CUL9: variants seen among roughly 807,000 people sequenced by gnomAD.
CUL9 encodes cullin-9.
In CUL9, 79 loss-of-function variants were observed where a neutral mutation model predicts 272.6. The ratio of observed to expected loss-of-function variants is 0.29; its 90% CI spans 0.24 to 0.35. CUL9 has a LOEUF of 0.35. CUL9 is among the 10% of genes least tolerant of loss of function. The pLI, the probability that CUL9 is intolerant of heterozygous loss-of-function variation, is 1.00. For missense variants in CUL9, 2,532 were observed against 3,255.6 expected, an observed-to-expected ratio of 0.78 and a Z score of 5.41; for synonymous variants, 1,186 against 1,286.5, an observed-to-expected ratio of 0.92 and a Z score of 1.67.
chr6:43,187,534 A>G (rs2150523344), intron 6 of CUL9, 95 bp downstream of exon 6: 3 of 1,390,170 alleles, frequency 2.2e-6, no homozygotes, highest in African/African-American at 1.4e-5. Context: ...GCTTAGGGGG[A>G]GGCTGGAGCT....
At chr6:43,210,042 A>C (rs1006779328) in intron 26 of CUL9, among the ~76,000 whole-genome samples, 1 of 151,796 alleles carries the variant, frequency 6.6e-6, no homozygotes, top group Admixed American at 6.6e-5. Flanking sequence ...CAATGGTGCG[A>C]TCTCAGCTCA....
Position 43,214,991 on chromosome 6 carries a change from G to A in CUL9, c.5689-88G>A, listed in dbSNP as rs141032767. The A allele has an allele frequency of 5.7e-4, 826 of 1,459,370 alleles. 4 individuals carry two copies. The African/African-American group carries it at 0.01, about 18-fold the overall frequency. The allele number at this position is 1,459,370 out of a possible 1,614,324, so 90.4% of individuals were successfully genotyped here. On this transcript the variant is annotated intron_variant, in intron 29 of 40. Transcript: ENST00000252050. ...GACTGTCTCTTAAAAAAAAAGGGGG[G>A]GAAAAATAAGTGGCAGAGCTGGGCA...
chr6:43,195,974 T>G, intron 9 of CUL9, 95 bp from the exon 10 acceptor site: 1 of 1,024,052 alleles, frequency 9.8e-7, no homozygotes, highest in Non-Finnish European at 1.5e-6. Context: ...TGCAAACAGC[T>G]CAGCTGCCCC....
rs925286013 is a variant in CUL9 at position 43,222,451 on chromosome 6, A to C, written c.6921+61A>C. On this transcript the variant is annotated intron_variant, in intron 36 of 40. Transcript: ENST00000252050. ...GAAGCAGGTTGGGGTGGTGGGGTGG[A>C]GGGGGGTGGGCTGAAGGTCTGACCG... 6.9e-5 allele frequency: 34 copies of C among 490,826 alleles called. No homozygotes were observed. In the African/African-American group the frequency reaches 1.0e-3, roughly 15 times the overall value. 30.4% of individuals were successfully genotyped at this position (490,826 alleles called of 1,614,324 possible).
At chr6:43,217,822 G>A (rs1776045280) in intron 31 of CUL9, among the ~76,000 whole-genome samples, 1 of 152,070 alleles carries the variant, frequency 6.6e-6, no homozygotes, top group African/African-American at 2.4e-5. Flanking sequence ...GCTAAATGAG[G>A]TATTGAAAAA....
At position 43,188,026 on chromosome 6, in the gene CUL9, C is replaced by T. The variant is rs140466677; in HGVS notation, c.1895C>T (p.Thr632Ile). The change falls in exon 7 of 41, where the codon ACC becomes ATC. Residue 632 changes from threonine (T) to isoleucine (I), a missense_variant. Thr to Ile is a moderately conservative substitution (Grantham distance 89, BLOSUM62 -1). This residue lies in a region of CUL9 where 2,218 missense variants were observed against 2,788.6 expected (regional missense o/e 0.80). Coordinates refer to ENST00000252050, the MANE Select transcript of CUL9 (RefSeq NM_015089.4). Reference sequence around the variant, plus strand: ...GAGCCCACCAAGACAAGGACCGAGACCCCCATGGCACAGAGTGATTCTCAG... The same window carrying T: ...GAGCCCACCAAGACAAGGACCGAGATCCCCATGGCACAGAGTGATTCTCAG... The part of the protein sequence containing the change: ...EAEPTKTRTE[T>I]PMAQSDSQLF... 9 of 1,613,720 alleles carry T rather than the reference C, an allele frequency of 5.6e-6. No homozygotes were observed. The African/African-American group carries it at 1.1e-4, about 19-fold the overall frequency.
At chr6:43,198,132 T>C in intron 11 of CUL9, 1 of 270,930 alleles carries the variant, frequency 3.7e-6, no homozygotes, top group Non-Finnish European at 5.7e-6. Context: ...TCCCAGCTAC[T>C]TGGGAGGCTG....
At position 43,210,550 on chromosome 6, in the gene CUL9, A is replaced by G. The variant is rs184728288; in HGVS notation, c.5213-2599A>G. Among the ~76,000 whole-genome samples the G allele has an allele frequency of 6.2e-3, 945 of 152,274 alleles. 5 individuals are homozygous for G. Among genetic ancestry groups the G allele is most frequent in the Non-Finnish European group, 9.1e-3 (620 of 68,024 alleles). On this transcript the variant is annotated intron_variant, in intron 26 of 40. Transcript: ENST00000252050. ...AGTCTGTCGGGGGAGATACTTTAAA[A>G]TCATGCCAGTATTCTAATTTTGTTA... is the stretch of plus-strand genomic sequence containing the variant.
Position 43,224,063 on chromosome 6 carries a change from C to T in CUL9, c.7285-32C>T, listed in dbSNP as rs760472449. On this transcript the variant is annotated intron_variant, in intron 39 of 40. Coordinates refer to ENST00000252050, the MANE Select transcript of CUL9 (RefSeq NM_015089.4). This position sits in a 1 kb window ranked among gnomAD's most constrained non-coding sequence, Gnocchi z 4.2. Reference sequence around the variant, plus strand: ...GGTCCAAAGGCCCCATGCCCTCTACCTCCTTCTCAAATCCTTCTGTCTGCT... The same window carrying T: ...GGTCCAAAGGCCCCATGCCCTCTACTTCCTTCTCAAATCCTTCTGTCTGCT... 23 of 1,609,868 alleles carry T rather than the reference C, an allele frequency of 1.4e-5. No homozygotes were observed. In the African/African-American group the frequency reaches 2.4e-4, roughly 17 times the overall value.
chr6:43,213,688 G>A lies in CUL9; in HGVS notation c.5489-25G>A, dbSNP rs367567028. The A allele has an allele frequency of 3.7e-6, 6 of 1,610,200 alleles. No homozygotes were observed. Among genetic ancestry groups the A allele is most frequent in the East Asian group, 2.2e-5 (1 of 44,824 alleles). On this transcript the variant is annotated intron_variant, in intron 28 of 40. Transcript: ENST00000252050. The surrounding 1 kb of genome is among the most constrained non-coding windows in gnomAD (Gnocchi z 5.7). ...TTCATCTGTCCCTCTGCCTCCTCTGGTACCTGACCGGGAGCGGGTTCCAGG... is the reference window on the plus strand; with the variant it reads ...TTCATCTGTCCCTCTGCCTCCTCTGATACCTGACCGGGAGCGGGTTCCAGG...
Position 43,186,041 on chromosome 6 carries a change from G to A in CUL9, c.837G>A (p.Leu279=), listed in dbSNP as rs753566522. Residue 279 remains leucine, a synonymous_variant, in exon 4 of 41, where the codon CTG becomes CTA. Transcript: ENST00000252050. ...LLDQLNSSPE[L]GAGDQSSPCA... ...ATCAGCTGAATAGCAGTCCAGAGCT[G>A]GGAGCTGGAGACCAAAGCTCCCCAT... 8 of 1,614,206 alleles carry A rather than the reference G, an allele frequency of 5.0e-6. No homozygotes were observed. Among genetic ancestry groups the A allele is most frequent in the Admixed American group, 3.3e-5 (2 of 60,030 alleles).
chr6:43,188,212 G>A (rs1000684720), intron 7 of CUL9, 94 bp downstream of exon 7: 1 of 1,460,232 alleles, frequency 6.8e-7, no homozygotes, highest in Admixed American at 2.1e-5. Flanking sequence ...AGCCATGGAG[G>A]AAGGTGATTT....
chr6:43,224,284 G>A lies in CUL9; in HGVS notation c.7393G>A (p.Glu2465Lys), dbSNP rs1776629215. The A allele has an allele frequency of 6.2e-7, 1 of 1,614,218 alleles. No individual in the cohort carries two copies. The highest frequency in any genetic ancestry group is 1.3e-5 in the African/African-American group (1 of 75,062). Residue 2465 changes from glutamate to lysine, a missense_variant, in exon 41 of 41, where the codon GAG (glutamate) becomes AAG (lysine). Glu to Lys is a moderately conservative substitution (Grantham distance 56). Around this residue, in one of 3 missense-constraint regions of CUL9, gnomAD observed 237 missense variants for 305.9 expected, o/e 0.77. Transcript: ENST00000252050. This position sits in a 1 kb window ranked among gnomAD's most constrained non-coding sequence, Gnocchi z 4.2. ...QASSGPEAEE[E>K]EEDDEDDVPE... ...CTCCTCAGGGCCAGAGGCAGAAGAG[G>A]AGGAGGAAGACGATGAGGATGATGT...
Position 43,223,342 on chromosome 6 carries a change from A to T in CUL9, c.7229A>T (p.Glu2410Val). 1 of 1,602,206 alleles carries T rather than the reference A, an allele frequency of 6.2e-7. No individual in the cohort carries two copies. Reference protein sequence around the residue: ...LRADCLSTGMELLRRIQERLL... With the variant: ...LRADCLSTGMVLLRRIQERLL... ...GCCGACTGCCTCAGCACGGGCATGG[A>T]GCTGCTCCGGCGGATCCAGGAGAGG... The change falls in exon 39 of 41, where the codon GAG becomes GTG. Residue 2410 changes from glutamate (E) to valine (V), a missense_variant. Physicochemically the swap from Glu to Val is moderately radical, Grantham distance 121. This residue lies in a region of CUL9 where 237 missense variants were observed against 305.9 expected (regional missense o/e 0.77). Transcript: ENST00000252050. The surrounding 1 kb of genome is among the most constrained non-coding windows in gnomAD (Gnocchi z 4.1).
chr6:43,220,344 T>G lies in CUL9; in HGVS notation c.6283-115T>G, dbSNP rs1776247499. 1 of 1,238,594 alleles carries G rather than the reference T, an allele frequency of 8.1e-7. No homozygotes were observed. Among genetic ancestry groups the G allele is most frequent in the African/African-American group, 1.5e-5 (1 of 67,186 alleles). 76.7% of individuals were successfully genotyped at this position (1,238,594 alleles called of 1,614,324 possible). A position where few individuals can be genotyped will look rare whatever the true frequency, so the allele number is the denominator to read the frequency against. On this transcript the variant is annotated intron_variant, in intron 31 of 40. Transcript: ENST00000252050. This position sits in a 1 kb window ranked among gnomAD's most constrained non-coding sequence, Gnocchi z 4.9. ...TCTAGAGGCAGGCTTGTTTCTGGCCTTCCACGTTGTAGTGGAGGGGAAGGG... is the reference window on the plus strand; with the variant it reads ...TCTAGAGGCAGGCTTGTTTCTGGCCGTCCACGTTGTAGTGGAGGGGAAGGG...
chr6:43,187,333 G>A lies in CUL9; in HGVS notation c.1475G>A (p.Gly492Glu). The change falls in exon 6 of 41, where the codon GGA becomes GAA. Residue 492 changes from glycine (G) to glutamate (E), a missense_variant. Physicochemically the swap from Gly to Glu is moderately conservative, Grantham distance 98. Around this residue, in one of 3 missense-constraint regions of CUL9, gnomAD observed 2,218 missense variants for 2,788.6 expected, o/e 0.80. Coordinates refer to ENST00000252050, the MANE Select transcript of CUL9 (RefSeq NM_015089.4). ...GAACCTCAGAAGAATGAGAGAGTGG[G>A]ATATCTGACCCAGGCTGAATGGTGG... ...QPEPQKNERVGYLTQAEWWEL... is the reference protein window; with the variant it reads ...QPEPQKNERVEYLTQAEWWEL... 1 of 1,614,128 alleles carries A rather than the reference G, an allele frequency of 6.2e-7. No homozygotes were observed. Among genetic ancestry groups the A allele is most frequent in the Non-Finnish European group, 8.5e-7 (1 of 1,180,004 alleles).
Position 43,198,872 on chromosome 6 carries a change from G to T in CUL9, c.3050+17G>T. 1 of 1,607,748 alleles carries T rather than the reference G, an allele frequency of 6.2e-7. No individual in the cohort carries two copies. On this transcript the variant is annotated intron_variant, in intron 12 of 40. Transcript: ENST00000252050. ...TGTGCTGAGGTGAGGGGCCTGTTGA[G>T]GCACCATGCATTGGGACGAGGGAAA...
rs538500693 is a variant in CUL9, at chr6:43,196,199, G to A, written c.2519G>A (p.Arg840His). The A allele has an allele frequency of 5.0e-6, 8 of 1,614,068 alleles. No homozygotes were observed. The highest frequency in any genetic ancestry group is 2.2e-5 in the East Asian group (1 of 44,866). The change falls in exon 10 of 41, where the codon CGC (arginine) becomes CAC (histidine). Residue 840 changes from arginine to histidine, a missense_variant. By Grantham distance (29) the Arg-to-His change is conservative. Transcript: ENST00000252050. ...EIFASIDSATRPGSESLLLTV... is the reference protein window; with the variant it reads ...EIFASIDSATHPGSESLLLTV... The stretch of plus-strand genomic sequence containing the variant: ...TTCGCCAGCATCGACTCAGCCACAC[G>A]CCCGGGCTCTGAGAGCCTGCTCCTC...
rs1582387109 is a variant in CUL9, at chr6:43,206,933, C to G, written c.5212+423C>G. ...AATCTCTGCTCACTGCAGCCTCTAC[C>G]TCCCGGGTTCAAGCGATTCTCCTGT... On this transcript the variant is annotated intron_variant, in intron 26 of 40. Transcript: ENST00000252050. This position sits in a 1 kb window ranked among gnomAD's most constrained non-coding sequence, Gnocchi z 4.8. 6.6e-6 allele frequency among the ~76,000 whole-genome samples: 1 copy of G among 152,112 alleles called. No individual in the cohort carries two copies. Among genetic ancestry groups the G allele is most frequent in the African/African-American group, 2.4e-5 (1 of 41,400 alleles).
Sources: gnomAD v4.1 joint callset for allele counts (sites outside exome capture counted in the v4.1 genomes callset) on GRCh38, gnomAD v4.1.1 for gene constraint, gnomAD v4.1.1 regional missense constraint, Gnocchi (gnomAD v3.1) non-coding constraint, MANE v1.5 for transcripts, NCBI Gene and HGNC (gene_info 2026-07-23, HGNC 2026-07-21) for gene names.